Variants in LRP6 observed in about 807,000 individuals in gnomAD.
LRP6 encodes the protein LDL receptor related protein 6, also known as low-density lipoprotein receptor-related protein 6.
LRP6 carries 43 observed loss-of-function variants against 184.1 expected under a neutral mutation model. The observed-to-expected ratio is 0.23, with a 90% CI of 0.18 to 0.30. The LOEUF (loss-of-function observed/expected upper bound fraction) is 0.30. Among genes scored for constraint, LRP6 ranks in the 10% least tolerant of loss-of-function variants. The pLI is 1.00. For missense variants in LRP6, 1,571 were observed against 2,005.3 expected, an observed-to-expected ratio of 0.78 and a Z score of 4.14; for synonymous variants, 719 against 684.9, an observed-to-expected ratio of 1.05 and a Z score of -0.78.
chr12:12,148,628 G>A (rs1439606522), intron 14 of LRP6, among the ~76,000 whole-genome samples: 1 of 152,148 alleles, frequency 6.6e-6, no homozygotes, highest in Non-Finnish European at 1.5e-5. Flanking sequence ...TTCAGGAGGG[G>A]GCAAAAATCA....
At chr12:12,260,131 C>G (rs1270046081) in intron 1 of LRP6, among the ~76,000 whole-genome samples, 2 of 152,118 alleles carry the variant, frequency 1.3e-5, no homozygotes, top group Non-Finnish European at 2.9e-5. Context: ...GTAATCCCAG[C>G]ACTTTGGGAG....
At chr12:12,130,935 T>C (rs761546422) in intron 18 of LRP6, 42 bp from the exon 19 acceptor site, 2 of 1,108,856 alleles carry the variant, frequency 1.8e-6, no homozygotes, top group South Asian at 1.3e-5. Flanking sequence ...TTTAATATCA[T>C]GTAAAGTCAA....
At chr12:12,212,923 T>C (rs781543987) in intron 2 of LRP6, among the ~76,000 whole-genome samples, 13 of 152,212 alleles carry the variant, frequency 8.5e-5, no homozygotes, top group Non-Finnish European at 1.2e-4. Context: ...TTTAACTGAA[T>C]TGCACTTTGC....
chr12:12,119,730 G>T lies in LRP6; in HGVS notation c.*1396C>A, dbSNP rs1181824021. On this transcript the variant is annotated 3_prime_UTR_variant, in exon 23 of 23. Transcript: ENST00000261349. ...GAGGACCCACATAAAAATATTGGGTGATTACAAGAATAATTTGTGGATAAT... is the reference window on the plus strand; with the variant it reads ...GAGGACCCACATAAAAATATTGGGTTATTACAAGAATAATTTGTGGATAAT... 1 of 151,978 alleles carries T rather than the reference G, an allele frequency of 6.6e-6. No individual in the cohort carries two copies. The highest frequency in any genetic ancestry group is 1.9e-4 in the East Asian group (1 of 5,188). 9.4% of individuals were successfully genotyped at this position (151,978 alleles called of 1,614,324 possible). A position where few individuals can be genotyped will look rare whatever the true frequency, so the allele number is the denominator to read the frequency against.
At chr12:12,169,558 G>A (rs1862976109) in intron 7 of LRP6, among the ~76,000 whole-genome samples, 1 of 152,144 alleles carries the variant, frequency 6.6e-6, no homozygotes, top group Non-Finnish European at 1.5e-5. Context: ...TTTGCTGAAA[G>A]GACAACAAAT....
chr12:12,172,245 A>C (rs1409657054), intron 7 of LRP6, among the ~76,000 whole-genome samples: 1 of 152,224 alleles, frequency 6.6e-6, no homozygotes, highest in East Asian at 1.9e-4. Context: ...CATTGGTTTA[A>C]CATTCTGAAA....
chr12:12,190,477 G>A (rs998074229), intron 3 of LRP6, among the ~76,000 whole-genome samples: 1 of 152,184 alleles, frequency 6.6e-6, no homozygotes, highest in African/African-American at 2.4e-5. Context: ...ATCATCTCCT[G>A]CCTATGTCTG....
chr12:12,124,859 A>G (rs1406663062), intron 21 of LRP6, among the ~76,000 whole-genome samples, 197 bp from the exon 22 acceptor site: 1 of 152,196 alleles, frequency 6.6e-6, no homozygotes, highest in Non-Finnish European at 1.5e-5. Flanking sequence ...CATCATGGCT[A>G]AAAAGTGCAA....
intron 2 of LRP6, among the ~76,000 whole-genome samples, chr12:12,219,430 C>T (rs1196876511): frequency 6.6e-6 from 1 of 152,208 alleles, no homozygotes; most frequent in East Asian, 1.9e-4. Flanking sequence ...GTATCGGTCT[C>T]TTGACCTTGT....
Position 12,116,901 on chromosome 12 carries a change from G to A in LRP6, c.*4225C>T, listed in dbSNP as rs548095038. On this transcript the variant is annotated 3_prime_UTR_variant, in exon 23 of 23. Transcript: ENST00000261349. ...CTCCACTCAGGTACAGGCTTTATGA[G>A]ACGTAGATCAAGTCAGACAATAGCC... The A allele has an allele frequency of 6.6e-6, 1 of 152,260 alleles. No individual in the cohort carries two copies. Among genetic ancestry groups the A allele is most frequent in the South Asian group, 2.1e-4 (1 of 4,820 alleles). 9.4% of individuals were successfully genotyped at this position (152,260 alleles called of 1,614,324 possible).
intron 2 of LRP6, among the ~76,000 whole-genome samples, chr12:12,211,380 T>G (rs1212100523): frequency 6.6e-6 from 1 of 152,096 alleles, no homozygotes; most frequent in Non-Finnish European, 1.5e-5. Flanking sequence ...AGGTGGAGGT[T>G]GCAATGAGCC....
chr12:12,264,141 T>C (rs1865697575), intron 1 of LRP6, among the ~76,000 whole-genome samples: 1 of 151,488 alleles, frequency 6.6e-6, no homozygotes, highest in Non-Finnish European at 1.5e-5. Context: ...ACTTTGTCTC[T>C]TTAAAAAAAA....
chr12:12,155,185 G>T, intron 12 of LRP6: 1 of 559,756 alleles, frequency 1.8e-6, no homozygotes, highest in South Asian at 1.7e-5. Flanking sequence ...GACAGTGTGA[G>T]ACTCTGTCTC....
intron 7 of LRP6, among the ~76,000 whole-genome samples, chr12:12,168,228 T>C (rs1238799877): frequency 6.6e-6 from 1 of 152,168 alleles, no homozygotes. Flanking sequence ...CCAGCTAATG[T>C]ATTACAATCT....
intron 7 of LRP6, among the ~76,000 whole-genome samples, chr12:12,169,757 A>G (rs1862982787): frequency 6.6e-6 from 1 of 152,234 alleles, no homozygotes; most frequent in Non-Finnish European, 1.5e-5. Context: ...AGCAAAAACT[A>G]AAAGGTCTTT....
intron 1 of LRP6, among the ~76,000 whole-genome samples, chr12:12,251,042 T>C (rs1329227281): frequency 2.0e-5 from 3 of 152,146 alleles, no homozygotes; most frequent in Non-Finnish European, 4.4e-5. Flanking sequence ...GTGATTCTCC[T>C]GCCTCAGCCT....
chr12:12,187,444 C>T (rs1216890757), intron 3 of LRP6: 2 of 373,316 alleles, frequency 5.4e-6, no homozygotes, highest in Admixed American at 7.5e-5. Context: ...TCTTCAACTA[C>T]CATCTCTGGA....
At chr12:12,246,696 T>C (rs1007230815) in intron 1 of LRP6, among the ~76,000 whole-genome samples, 1 of 151,552 alleles carries the variant, frequency 6.6e-6, no homozygotes, top group Non-Finnish European at 1.5e-5. Flanking sequence ...GAGTGAGTTA[T>C]GATACAATTA....
chr12:12,220,480 T>C (rs766790252), intron 2 of LRP6, among the ~76,000 whole-genome samples: 18 of 152,196 alleles, frequency 1.2e-4, no homozygotes, highest in South Asian at 2.1e-4. Context: ...CTGGTTCTTC[T>C]ACCCTTTAGG....
Sources: gnomAD v4.1 joint callset for allele counts (sites outside exome capture counted in the v4.1 genomes callset) on GRCh38, gnomAD v4.1.1 for gene constraint, MANE v1.5 for transcripts, NCBI Gene and HGNC (gene_info 2026-07-23, HGNC 2026-07-21) for gene names.